FAM184A: variants seen among roughly 807,000 people sequenced by gnomAD.
The protein encoded by FAM184A is protein FAM184A.
A neutral mutation model predicts 143.8 loss-of-function variants in FAM184A; 99 were observed. That is an observed-to-expected ratio of 0.69 (90% CI 0.58 to 0.81). The LOEUF is 0.81. Ranked by LOEUF, FAM184A falls within the 40% of genes least tolerant of loss-of-function variation. The pLI is 0.00. For missense variants in FAM184A, 1,217 were observed against 1,310.5 expected, an observed-to-expected ratio of 0.93 and a Z score of 1.10; for synonymous variants, 427 against 446.4, an observed-to-expected ratio of 0.96 and a Z score of 0.55.
At chr6:119,025,925 A>T (rs115588954) in intron 1 of FAM184A, among the ~76,000 whole-genome samples, 2,215 of 152,334 alleles carry the variant, frequency 0.015, 47 homozygotes, top group African/African-American at 0.051. Context: ...TTATTCATGC[A>T]GCCTGAGGTA....
intron 1 of FAM184A, among the ~76,000 whole-genome samples, chr6:119,039,105 C>T (rs1446107473): frequency 1.3e-5 from 2 of 152,148 alleles, no homozygotes; most frequent in East Asian, 1.9e-4. Flanking sequence ...TAAGATGTCA[C>T]GACACACATA....
At chr6:119,086,429 G>A (rs1194918512) in intron 1 of FAM184A, among the ~76,000 whole-genome samples, 1 of 152,204 alleles carries the variant, frequency 6.6e-6, no homozygotes, top group African/African-American at 2.4e-5. Context: ...TGGGGTGTCA[G>A]AGAAAGCTTC....
chr6:118,989,779 A>C (rs1210088519), intron 9 of FAM184A, among the ~76,000 whole-genome samples: 1 of 151,246 alleles, frequency 6.6e-6, no homozygotes. Context: ...AATTGGAAGA[A>C]CTTTTAGTTG....
chr6:119,021,820 T>TA (rs940748721), intron 3 of FAM184A, among the ~76,000 whole-genome samples: 3 of 151,768 alleles, frequency 2.0e-5, no homozygotes, highest in African/African-American at 7.3e-5. Context: ...TACAAAAAAT[T>TA]AAAAAATTAG....
chr6:119,042,747 G>A (rs929503940), intron 1 of FAM184A, among the ~76,000 whole-genome samples: 4 of 152,216 alleles, frequency 2.6e-5, no homozygotes, highest in African/African-American at 9.6e-5. Flanking sequence ...TAATAATGAT[G>A]GACTTTGGGT....
chr6:119,027,631 G>A (rs150643631), intron 1 of FAM184A, among the ~76,000 whole-genome samples: 6 of 152,290 alleles, frequency 3.9e-5, no homozygotes, highest in East Asian at 3.9e-4. Flanking sequence ...CTTGTTAAAC[G>A]AAAAGGTAGC....
intron 9 of FAM184A, among the ~76,000 whole-genome samples, chr6:118,981,471 G>A (rs1352274135): frequency 1.3e-5 from 2 of 152,164 alleles, no homozygotes; most frequent in Non-Finnish European, 2.9e-5. Flanking sequence ...TTTAAAGTGA[G>A]TTTTTGTAAA....
intron 1 of FAM184A, among the ~76,000 whole-genome samples, chr6:119,028,806 G>T (rs1168625015): frequency 3.3e-5 from 5 of 152,160 alleles, no homozygotes; most frequent in Admixed American, 6.5e-5. Flanking sequence ...CTTGCAGTTG[G>T]CATCTGAATG....
chr6:119,094,389 T>A (rs960890350), intron 1 of FAM184A, among the ~76,000 whole-genome samples: 5 of 150,500 alleles, frequency 3.3e-5, no homozygotes, highest in African/African-American at 7.4e-5. Flanking sequence ...CAAAAGCCAG[T>A]CAATTCCACT....
At chr6:119,083,571 C>T (rs901582156), upstream of FAM184A, among the ~76,000 whole-genome samples, 1 of 152,150 alleles carries the variant, frequency 6.6e-6, no homozygotes, top group Admixed American at 6.5e-5. Flanking sequence ...TACCCTAAAT[C>T]ATCTAAGTTC....
At chr6:119,008,315 A>G (rs1784988127) in intron 6 of FAM184A, among the ~76,000 whole-genome samples, 1 of 152,194 alleles carries the variant, frequency 6.6e-6, no homozygotes, top group African/African-American at 2.4e-5. Flanking sequence ...TTTTGTTTGT[A>G]TGTGGATTGG....
At chr6:119,133,214 G>T (rs1264001442) in intron 1 of FAM184A, among the ~76,000 whole-genome samples, 1 of 152,156 alleles carries the variant, frequency 6.6e-6, no homozygotes, top group Non-Finnish European at 1.5e-5. Flanking sequence ...CTAGTTGGTT[G>T]TTGCCAACTG....
chr6:119,050,756 G>A (rs1414575920), intron 1 of FAM184A, among the ~76,000 whole-genome samples: 2 of 151,540 alleles, frequency 1.3e-5, no homozygotes, highest in East Asian at 3.9e-4. Context: ...AGTGAGCCGA[G>A]ATTGCGCCAC....
chr6:119,093,624 C>T (rs1297260313), intron 1 of FAM184A, among the ~76,000 whole-genome samples: 1 of 152,174 alleles, frequency 6.6e-6, no homozygotes, highest in Non-Finnish European at 1.5e-5. Context: ...AGAGGAGTCA[C>T]TGGAGGGATC....
chr6:119,140,974 G>T (rs1414328628), intron 1 of FAM184A, among the ~76,000 whole-genome samples: 1 of 152,200 alleles, frequency 6.6e-6, no homozygotes, highest in African/African-American at 2.4e-5. Context: ...GACAACTGGA[G>T]ATAAGCCACC....
intron 1 of FAM184A, among the ~76,000 whole-genome samples, chr6:119,083,913 T>C (rs1788142305): frequency 6.6e-6 from 1 of 152,186 alleles, no homozygotes; most frequent in African/African-American, 2.4e-5. Flanking sequence ...CAATTTTTTG[T>C]ATTAGTCTGT....
chr6:119,031,795 A>G (rs1785881272), intron 1 of FAM184A, among the ~76,000 whole-genome samples: 1 of 152,252 alleles, frequency 6.6e-6, no homozygotes, highest in Non-Finnish European at 1.5e-5. Context: ...GGAATCACTG[A>G]ATAAATGATG....
chr6:119,094,867 G>C (rs181460478), intron 1 of FAM184A, among the ~76,000 whole-genome samples: 18 of 152,320 alleles, frequency 1.2e-4, no homozygotes, highest in African/African-American at 3.6e-4. Flanking sequence ...GAATACACTT[G>C]AGAATGGCCC....
chr6:119,131,975 C>G (rs1335087090), intron 1 of FAM184A, among the ~76,000 whole-genome samples: 1 of 152,156 alleles, frequency 6.6e-6, no homozygotes. Context: ...TGAGAGAGAA[C>G]AGTATAGTTT....
Sources: gnomAD v4.1 joint callset for allele counts (sites outside exome capture counted in the v4.1 genomes callset) on GRCh38, gnomAD v4.1.1 for gene constraint, MANE v1.5 for transcripts, NCBI Gene and HGNC (gene_info 2026-07-23, HGNC 2026-07-21) for gene names.